Variants in MEIKIN observed in about 807,000 individuals in gnomAD.
MEIKIN encodes meiosis-specific kinetochore protein.
At chr5:131,908,565 G>A (rs2149642246) in intron 8 of MEIKIN, among the ~76,000 whole-genome samples, 1 of 152,234 alleles carries the variant, frequency 6.6e-6, no homozygotes, top group East Asian at 1.9e-4. Flanking sequence ...CATAGTATCG[G>A]AAGTCTAGCT....
chr5:131,907,236 A>C (rs1266911902), intron 8 of MEIKIN, among the ~76,000 whole-genome samples: 1 of 152,138 alleles, frequency 6.6e-6, no homozygotes, highest in Non-Finnish European at 1.5e-5. Context: ...TATCAAAAAG[A>C]ATAAAAACTT....
chr5:131,870,211 A>G (rs1017189814), intron 9 of MEIKIN, among the ~76,000 whole-genome samples: 8 of 152,218 alleles, frequency 5.3e-5, no homozygotes, highest in African/African-American at 1.9e-4. Flanking sequence ...ACTCATAATA[A>G]TTAATATTTT....
chr5:131,852,668 T>C (rs1175222028), intron 10 of MEIKIN, among the ~76,000 whole-genome samples: 2 of 151,904 alleles, frequency 1.3e-5, no homozygotes, highest in Non-Finnish European at 2.9e-5. Context: ...GAGGGTGGGA[T>C]GGGGGGATGA....
chr5:131,904,936 G>A (rs1751218514), intron 8 of MEIKIN, among the ~76,000 whole-genome samples: 1 of 152,084 alleles, frequency 6.6e-6, no homozygotes. Context: ...GTTGAACAAT[G>A]AGAACACATG....
intron 8 of MEIKIN, among the ~76,000 whole-genome samples, chr5:131,893,258 C>A (rs542410417): frequency 7.0e-6 from 1 of 143,120 alleles, no homozygotes; most frequent in African/African-American, 2.5e-5. Context: ...GCTTCCCAGC[C>A]GCTTTGTTTA....
chr5:131,874,395 G>T (rs1461086440), intron 9 of MEIKIN, among the ~76,000 whole-genome samples: 4 of 152,206 alleles, frequency 2.6e-5, no homozygotes, highest in East Asian at 1.9e-4. Context: ...AGAAAATCTA[G>T]AAGAAATGGA....
At chr5:131,900,819 T>A (rs1228117902) in intron 8 of MEIKIN, among the ~76,000 whole-genome samples, 1 of 152,074 alleles carries the variant, frequency 6.6e-6, no homozygotes, top group Non-Finnish European at 1.5e-5. Context: ...GGCAGACTGC[T>A]CCTGACTGGT....
chr5:131,937,844 G>A (rs561396589), intron 4 of MEIKIN, among the ~76,000 whole-genome samples: 1 of 152,020 alleles, frequency 6.6e-6, no homozygotes, highest in Admixed American at 6.6e-5. Flanking sequence ...ATTATATAAT[G>A]TTGTAACTTG....
chr5:131,872,257 T>A (rs1393373560), intron 9 of MEIKIN, among the ~76,000 whole-genome samples: 1 of 141,786 alleles, frequency 7.1e-6, no homozygotes, highest in Admixed American at 7.0e-5. Context: ...CGAAAAAAAA[T>A]TAGACGAATG....
intron 9 of MEIKIN, among the ~76,000 whole-genome samples, chr5:131,867,560 C>G (rs956763164): frequency 4.6e-5 from 7 of 152,160 alleles, no homozygotes; most frequent in Non-Finnish European, 8.8e-5. Context: ...CTCTGGCAAC[C>G]ACCAATCTTT....
intron 11 of MEIKIN, among the ~76,000 whole-genome samples, chr5:131,831,958 T>C (rs1279526782): frequency 2.0e-5 from 3 of 152,160 alleles, no homozygotes; most frequent in Admixed American, 6.5e-5. Flanking sequence ...TTCTGGGAGA[T>C]ACAATTTGAG....
At chr5:131,934,076 C>T (rs1011371725) in intron 4 of MEIKIN, among the ~76,000 whole-genome samples, 9 of 151,996 alleles carry the variant, frequency 5.9e-5, no homozygotes, top group Middle Eastern at 3.4e-3. Context: ...CTCAGCCTCC[C>T]GAGTAGCTGG....
intron 11 of MEIKIN, among the ~76,000 whole-genome samples, chr5:131,835,212 G>GTT (rs1580864918): frequency 4.6e-5 from 7 of 150,662 alleles, no homozygotes; most frequent in East Asian, 3.9e-4. Context: ...ATATATGTGT[G>GTT]TATATATATG....
Position 131,944,741 on chromosome 5 carries a change from C to G in MEIKIN, c.212G>C (p.Gly71Ala). The G allele has an allele frequency of 5.0e-6, 2 of 399,078 alleles. No homozygotes were observed. The highest frequency in any genetic ancestry group is 4.4e-6 in the Non-Finnish European group (1 of 226,084). 24.7% of individuals were successfully genotyped at this position (399,078 alleles called of 1,614,324 possible). ...SGSGPFSPRL[G>A]VTGEKSLQEN... ...TTGCAGGCTTTTCTCTCCTGTAACT[C>G]CTAAGCGAGGGCTAACAAAGAGACA... The change falls in exon 3 of 13, where the codon GGA becomes GCA. Residue 71 changes from glycine (G) to alanine (A), a missense_variant. Gly to Ala is a moderately conservative substitution (Grantham distance 60). Transcript: ENST00000442687.
chr5:131,861,511 A>G (rs1443442381), intron 9 of MEIKIN, among the ~76,000 whole-genome samples: 1 of 152,158 alleles, frequency 6.6e-6, no homozygotes, highest in Non-Finnish European at 1.5e-5. Context: ...GGCATGGGGA[A>G]GGTGGGCATT....
chr5:131,828,596 C>CA (rs1312054780), intron 11 of MEIKIN, among the ~76,000 whole-genome samples: 1 of 151,776 alleles, frequency 6.6e-6, no homozygotes, highest in East Asian at 1.9e-4. Flanking sequence ...AACAGATGCT[C>CA]AAAAAAAGAA....
At chr5:131,892,322 G>A (rs539738077) in intron 8 of MEIKIN, among the ~76,000 whole-genome samples, 80 of 152,284 alleles carry the variant, frequency 5.3e-4, no homozygotes, top group African/African-American at 1.7e-3. Flanking sequence ...TTCCAGCTTG[G>A]TTCCATTCTC....
chr5:131,896,971 C>T (rs1751064149), intron 8 of MEIKIN, among the ~76,000 whole-genome samples: 1 of 152,168 alleles, frequency 6.6e-6, no homozygotes, highest in African/African-American at 2.4e-5. Flanking sequence ...CAGTTTCTTC[C>T]TAGCATCGGT....
chr5:131,942,624 GAC>G lies in MEIKIN; in HGVS notation c.349+9_349+10del. ...CAGAAAGCTGAGGGAGTTCACATTT[GAC>G]AGTCTTACCTGATACTAGTTCACTA... is the stretch of plus-strand genomic sequence containing the variant. On this transcript the variant is annotated intron_variant, in intron 4 of 12. Transcript: ENST00000442687. The G allele has an allele frequency of 2.5e-6, 1 of 398,344 alleles. No homozygotes were observed. The highest frequency in any genetic ancestry group is 4.4e-6 in the Non-Finnish European group (1 of 225,694). The allele number at this position is 398,344 out of a possible 1,614,324, so 24.7% of individuals were successfully genotyped here.
Sources: gnomAD v4.1 joint callset for allele counts (sites outside exome capture counted in the v4.1 genomes callset) on GRCh38, gnomAD v4.1.1 for gene constraint, MANE v1.5 for transcripts, NCBI Gene and HGNC (gene_info 2026-07-23, HGNC 2026-07-21) for gene names.